Variants in DMD observed in about 807,000 individuals in gnomAD.
DMD encodes mutant dystrophin.
Under a neutral mutation model 330.1 loss-of-function variants are expected in DMD, and 63 were observed. That is an observed-to-expected ratio of 0.19 (90% CI 0.16 to 0.24). The LOEUF (loss-of-function observed/expected upper bound fraction) is 0.24. Among genes scored for constraint, DMD ranks in the 10% least tolerant of loss-of-function variants. DMD has a pLI of 1.00. For missense variants in DMD, 3,344 were observed against 2,684.1 expected, an observed-to-expected ratio of 1.25 and a Z score of -5.43; for synonymous variants, 1,223 against 959.8, an observed-to-expected ratio of 1.27 and a Z score of -5.07.
intron 18 of DMD, among the ~76,000 whole-genome samples, chrX:32,511,257 C>A (rs1409947108): frequency 5.4e-5 from 6 of 110,655 alleles, no homozygotes; most frequent in Admixed American, 9.6e-5. Context: ...GGCGCAGGGG[C>A]TCACGCCTGT....
chrX:33,182,543 G>A (rs2050051217), intron 1 of DMD, among the ~76,000 whole-genome samples: 1 of 110,785 alleles, frequency 9.0e-6, no homozygotes, highest in Non-Finnish European at 1.9e-5. Flanking sequence ...CAAAGTACTG[G>A]CATTATAGGC....
intron 44 of DMD, among the ~76,000 whole-genome samples, chrX:31,996,046 T>C (rs1441143411): frequency 8.9e-6 from 1 of 112,077 alleles, no homozygotes; most frequent in Non-Finnish European, 1.9e-5. Flanking sequence ...TTCAAAAATC[T>C]ACAAACGTGA....
chrX:33,170,880 G>A (rs969098483), intron 1 of DMD, among the ~76,000 whole-genome samples: 2 of 111,429 alleles, frequency 1.8e-5, no homozygotes, highest in African/African-American at 6.5e-5. Flanking sequence ...TGTACATTTT[G>A]TTTGTCCGTG....
intron 78 of DMD, 145 bp downstream of exon 78, chrX:31,126,497 G>A (rs1198550405): frequency 3.8e-6 from 2 of 520,656 alleles, no homozygotes; most frequent in African/African-American, 2.3e-5. Context: ...GCTGCAAGTG[G>A]AGAGGTGACT....
chrX:32,194,856 A>G (rs2096991990), intron 44 of DMD, among the ~76,000 whole-genome samples: 1 of 111,833 alleles, frequency 8.9e-6, no homozygotes, highest in African/African-American at 3.2e-5. Flanking sequence ...CTAAGCCATA[A>G]TAAAGAGTTG....
At position 31,799,317 on chromosome X, in the gene DMD, G is replaced by A. The variant is rs193064271; in HGVS notation, c.7309+20658C>T. On this transcript the variant is annotated intron_variant, in intron 50 of 78. Transcript: ENST00000357033. ...TTTTAATTGATTCACCATTCTGCATGGCTGGGGAGGCCTCAGGAAACTTAC... is the reference window on the plus strand; with the variant it reads ...TTTTAATTGATTCACCATTCTGCATAGCTGGGGAGGCCTCAGGAAACTTAC... 2.1e-4 allele frequency among the ~76,000 whole-genome samples: 23 copies of A among 111,765 alleles called. No homozygotes were observed. The East Asian group carries it at 4.2e-3, about 20-fold the overall frequency.
chrX:32,621,754 G>A (rs754480063), intron 11 of DMD, among the ~76,000 whole-genome samples: 3 of 110,983 alleles, frequency 2.7e-5, no homozygotes, highest in African/African-American at 9.8e-5. Flanking sequence ...TCACATCAAT[G>A]TCTCCCAGCC....
chrX:32,838,138 G>A (rs1603444940), intron 4 of DMD, among the ~76,000 whole-genome samples: 1 of 111,674 alleles, frequency 9.0e-6, no homozygotes, highest in African/African-American at 3.3e-5. Flanking sequence ...CATGGATTTA[G>A]CAGCATTTCT....
intron 9 of DMD, among the ~76,000 whole-genome samples, chrX:32,668,447 A>G (rs1284408985): frequency 8.9e-6 from 1 of 111,950 alleles, no homozygotes. Flanking sequence ...TTCAGTCATG[A>G]GAAATCATGT....
chrX:31,363,291 C>T (rs2059038481), intron 60 of DMD, among the ~76,000 whole-genome samples: 1 of 108,493 alleles, frequency 9.2e-6, no homozygotes, highest in African/African-American at 3.3e-5. Context: ...GTATTCATAA[C>T]TACATATAAG....
chrX:31,363,483 C>T (rs971335921), intron 60 of DMD, among the ~76,000 whole-genome samples: 1 of 103,977 alleles, frequency 9.6e-6, no homozygotes, highest in Non-Finnish European at 1.9e-5. Flanking sequence ...CGGGTTCAAG[C>T]GATTCTCCTG....
At chrX:32,937,212 G>A (rs1055055315) in intron 2 of DMD, among the ~76,000 whole-genome samples, 1 of 110,816 alleles carries the variant, frequency 9.0e-6, no homozygotes, top group African/African-American at 3.3e-5. Flanking sequence ...CAATAGAAAT[G>A]CAAGAGAGAA....
At chrX:31,275,703 A>G (rs1383590615) in intron 62 of DMD, among the ~76,000 whole-genome samples, 1 of 111,573 alleles carries the variant, frequency 9.0e-6, no homozygotes, top group Non-Finnish European at 1.9e-5. Flanking sequence ...ACAACAGCCC[A>G]GTTAAGAGTG....
intron 44 of DMD, among the ~76,000 whole-genome samples, chrX:31,989,836 G>A (rs140251193): frequency 0.013 from 1,429 of 110,749 alleles, 16 homozygotes; most frequent in African/African-American, 0.044. Flanking sequence ...AGACTCAGGG[G>A]TACATGTGTT....
chrX:31,243,064 AT>A (rs2048508801), intron 63 of DMD, among the ~76,000 whole-genome samples: 1 of 111,651 alleles, frequency 9.0e-6, no homozygotes, highest in African/African-American at 3.3e-5. Context: ...ACTTTTGTGC[AT>A]TCTATTACCC....
rs7053241 is a variant in DMD, at chrX:32,268,353, C to G, written c.6290+19176G>C. On this transcript the variant is annotated intron_variant, in intron 43 of 78. Transcript: ENST00000357033. ...AGTAGTTGCAAGAGGAAATTAATAC[C>G]CTGACACCCTGAGCGGCCCTTTAAA... Among the ~76,000 whole-genome samples the G allele has an allele frequency of 5.2e-3, 577 of 111,463 alleles. 7 individuals carry two copies. The highest frequency in any genetic ancestry group is 0.018 in the African/African-American group (552 of 30,642).
chrX:32,123,329 G>A (rs1047616404), intron 44 of DMD, among the ~76,000 whole-genome samples: 8 of 101,879 alleles, frequency 7.9e-5, no homozygotes, highest in Admixed American at 2.2e-4. Context: ...TTGAGTGTGC[G>A]TTAGAATTGC....
chrX:32,497,963 T>C (rs2043663243), intron 19 of DMD, among the ~76,000 whole-genome samples: 1 of 112,072 alleles, frequency 8.9e-6, no homozygotes, highest in Non-Finnish European at 1.9e-5. Context: ...TCTAAATTTC[T>C]AAATTATTTA....
At chrX:32,724,086 G>A (rs182131163) in intron 7 of DMD, among the ~76,000 whole-genome samples, 2 of 111,744 alleles carry the variant, frequency 1.8e-5, no homozygotes, top group South Asian at 3.7e-4. Context: ...AATTAGATTC[G>A]ACAGTTGACA....
Sources: gnomAD v4.1 joint callset for allele counts (sites outside exome capture counted in the v4.1 genomes callset) on GRCh38, gnomAD v4.1.1 for gene constraint, MANE v1.5 for transcripts, NCBI Gene and HGNC (gene_info 2026-07-23, HGNC 2026-07-21) for gene names.